Variants in KIF15 observed in about 807,000 individuals in gnomAD.
KIF15 encodes the protein kinesin family member 15.
In KIF15, 140 loss-of-function variants were observed where a neutral mutation model predicts 190.6. The ratio of observed to expected loss-of-function variants is 0.73; its 90% CI spans 0.64 to 0.84. The LOEUF is 0.84. Among genes scored for constraint, KIF15 ranks in the 40% least tolerant of loss-of-function variants. The pLI, the probability that KIF15 is intolerant of heterozygous loss-of-function variation, is 0.00. For missense variants in KIF15, 1,372 were observed against 1,584.4 expected (o/e 0.87, Z 2.28); for synonymous variants, 528 against 551.3 (o/e 0.96, Z 0.59).
rs185346870 is a variant in KIF15 at position 44,843,294 on chromosome 3, A to G, written c.3695+60A>G. 3.1e-3 allele frequency: 3,519 copies of G among 1,142,578 alleles called. 12 individuals carry two copies. Among genetic ancestry groups the G allele is most frequent in the Non-Finnish European group, 3.6e-3 (2,763 of 772,014 alleles). The allele number at this position is 1,142,578 out of a possible 1,614,324, so 70.8% of individuals were successfully genotyped here. ...TCTTGGCCTGCCTGTGTGGAGTTAAATGAGGTTGGAATTGGTTTCACAGGT... is the reference window on the plus strand; with the variant it reads ...TCTTGGCCTGCCTGTGTGGAGTTAAGTGAGGTTGGAATTGGTTTCACAGGT... On this transcript the variant is annotated intron_variant, in intron 30 of 34. Coordinates refer to ENST00000326047, the MANE Select transcript of KIF15 (RefSeq NM_020242.3).
chr3:44,827,342 GAC>G (rs1697721555), intron 22 of KIF15, 115 bp from the exon 23 acceptor site: 1 of 690,932 alleles, frequency 1.4e-6, no homozygotes, highest in South Asian at 2.0e-5. Context: ...GGTAATGCCT[GAC>G]ACCAAGGGTG....
chr3:44,850,146 G>T (rs953040347), intron 32 of KIF15, among the ~76,000 whole-genome samples: 8 of 152,070 alleles, frequency 5.3e-5, no homozygotes, highest in Non-Finnish European at 1.2e-4. Flanking sequence ...AAAATTACAT[G>T]GTGATTTACC....
chr3:44,761,835 A>G lies in KIF15; in HGVS notation c.-31A>G, dbSNP rs993143288. 6 of 1,613,988 alleles carry G rather than the reference A, an allele frequency of 3.7e-6. No homozygotes were observed. Among genetic ancestry groups the G allele is most frequent in the Middle Eastern group, 1.6e-4 (1 of 6,084 alleles). On this transcript the variant is annotated 5_prime_UTR_variant, in exon 1 of 35. Transcript: ENST00000326047. Reference sequence around the variant, plus strand: ...GTCGGGAGGTGGAGGCACCGGCTGCATTGTTTTCGGGATCGAGGGGTGAGG... The same window carrying G: ...GTCGGGAGGTGGAGGCACCGGCTGCGTTGTTTTCGGGATCGAGGGGTGAGG...
intron 6 of KIF15, among the ~76,000 whole-genome samples, chr3:44,866,555 C>T (rs1433299487): frequency 1.3e-5 from 2 of 152,208 alleles, no homozygotes; most frequent in Non-Finnish European, 2.9e-5. Flanking sequence ...CCCAAGTCTT[C>T]TTCATACATT....
chr3:44,806,618 G>C (rs1261785737), intron 16 of KIF15, among the ~76,000 whole-genome samples: 3 of 152,154 alleles, frequency 2.0e-5, no homozygotes, highest in Non-Finnish European at 4.4e-5. Flanking sequence ...ATTTTTTGAA[G>C]GTTAAAAAAT....
At chr3:44,860,536 A>AT (rs558894562) in intron 6 of KIF15, among the ~76,000 whole-genome samples, 162 of 152,038 alleles carry the variant, frequency 1.1e-3, no homozygotes, top group African/African-American at 2.8e-3. Context: ...CACCCAGCTA[A>AT]TTTTTTTTGT....
intron 7 of KIF15, among the ~76,000 whole-genome samples, chr3:44,790,230 T>C (rs2125922056): frequency 6.6e-6 from 1 of 151,548 alleles, no homozygotes; most frequent in South Asian, 2.1e-4. Context: ...AAGGCTAGAG[T>C]GTAGTGGTGC....
Position 44,761,844 on chromosome 3 carries a change from G to A in KIF15, c.-22G>A. 1 of 1,614,172 alleles carries A rather than the reference G, an allele frequency of 6.2e-7. No homozygotes were observed. The highest frequency in any genetic ancestry group is 8.5e-7 in the Non-Finnish European group (1 of 1,180,034). On this transcript the variant is annotated 5_prime_UTR_variant, in exon 1 of 35. Coordinates refer to ENST00000326047, the MANE Select transcript of KIF15 (RefSeq NM_020242.3). ...TGGAGGCACCGGCTGCATTGTTTTC[G>A]GGATCGAGGGGTGAGGGCGCTATGG...
At chr3:44,794,565 AC>A (rs1224083321) in intron 8 of KIF15, 139 bp downstream of exon 8, 1 of 596,762 alleles carries the variant, frequency 1.7e-6, no homozygotes, top group Admixed American at 3.3e-5. Flanking sequence ...TAGCTATACC[AC>A]ATGGCTTAGG....
intron 6 of KIF15, among the ~76,000 whole-genome samples, chr3:44,861,219 G>A (rs1699240010): frequency 6.6e-6 from 1 of 151,506 alleles, no homozygotes; most frequent in South Asian, 2.1e-4. Context: ...TCGAACTCCC[G>A]ACCTCAGGTG....
chr3:44,794,068 G>T, intron 7 of KIF15, 149 bp from the exon 8 acceptor site: 1 of 587,438 alleles, frequency 1.7e-6, no homozygotes, highest in Non-Finnish European at 3.0e-6. Flanking sequence ...TTGTAGAGGT[G>T]AGGTCTCACA....
intron 28 of KIF15, 101 bp from the exon 29 acceptor site, chr3:44,840,973 C>T (rs1426047903): frequency 9.6e-6 from 11 of 1,151,188 alleles, no homozygotes; most frequent in African/African-American, 3.2e-5. Context: ...CATGCCCAGC[C>T]GTAGCTAGAA....
At chr3:44,826,311 T>C in intron 21 of KIF15, 64 bp from the exon 22 acceptor site, 1 of 1,567,894 alleles carries the variant, frequency 6.4e-7, no homozygotes, top group Non-Finnish European at 8.7e-7. Flanking sequence ...TAGAAGGTAC[T>C]TGACATGTTC....
intron 33 of KIF15, 95 bp from the exon 34 acceptor site, chr3:44,852,113 C>G (rs1244118640): frequency 2.0e-6 from 3 of 1,481,338 alleles, no homozygotes; most frequent in Non-Finnish European, 2.7e-6. Flanking sequence ...GACTCTCTGA[C>G]TTCCTGTGCT....
In KIF15 at chr3:44,802,847, A is replaced by G. The variant is rs201200753; in HGVS notation, c.1543A>G (p.Met515Val). 2 of 1,597,724 alleles carry G rather than the reference A, an allele frequency of 1.3e-6. No homozygotes were observed. The highest frequency in any genetic ancestry group is 1.4e-5 in the African/African-American group (1 of 73,898). The change falls in exon 14 of 35, where the codon ATG becomes GTG. Residue 515 changes from methionine (M) to valine (V), a missense_variant. Met to Val is a conservative substitution (Grantham distance 21). Transcript: ENST00000326047. ...EHHPRVAKYAMENHSLREENR... is the reference protein window; with the variant it reads ...EHHPRVAKYAVENHSLREENR... ...CCACCCCAGAGTTGCAAAGTATGCT[A>G]TGGAAAATCATTCCCTCAGGGAGGA...
chr3:44,797,955 A>T lies in KIF15; in HGVS notation c.1097A>T (p.Lys366Met), dbSNP rs766381073. The T allele has an allele frequency of 1.2e-6, 2 of 1,610,716 alleles. No individual in the cohort carries two copies. The highest frequency in any genetic ancestry group is 2.2e-5 in the South Asian group (2 of 90,214). ...FAQRAKLIKN[K>M]AVVNEDTQGN... Reference sequence around the variant, plus strand: ...CAAAGAGCCAAGCTGATTAAAAACAAGGTAAAATACTGGCGTATACTTCAT... The same window carrying T: ...CAAAGAGCCAAGCTGATTAAAAACATGGTAAAATACTGGCGTATACTTCAT... The change falls in exon 10 of 35, where the codon AAG (lysine) becomes ATG (methionine). Residue 366 changes from lysine (K) to methionine (M), a missense_variant and splice_region_variant. By Grantham distance (95) the Lys-to-Met change is moderately conservative. Coordinates refer to ENST00000326047, the MANE Select transcript of KIF15 (RefSeq NM_020242.3).
At chr3:44,761,970 G>A in intron 1 of KIF15, 86 bp downstream of exon 1, 2 of 1,562,362 alleles carry the variant, frequency 1.3e-6, no homozygotes, top group Non-Finnish European at 1.8e-6. Flanking sequence ...CGCCCGCAAG[G>A]TTCTTGCTAG....
chr3:44,779,760 G>T (rs1305831834), intron 4 of KIF15, among the ~76,000 whole-genome samples: 1 of 151,396 alleles, frequency 6.6e-6, no homozygotes, highest in Non-Finnish European at 1.5e-5. Flanking sequence ...TTTGAACCCG[G>T]AGGGTGGAGG....
chr3:44,767,944 G>A (rs980287362), intron 1 of KIF15, among the ~76,000 whole-genome samples: 5 of 147,316 alleles, frequency 3.4e-5, no homozygotes, highest in Admixed American at 1.4e-4. Context: ...CAGCAGTCCA[G>A]GAAGGTTTAA....
Sources: gnomAD v4.1 joint callset for allele counts (sites outside exome capture counted in the v4.1 genomes callset) on GRCh38, gnomAD v4.1.1 for gene constraint, MANE v1.5 for transcripts, NCBI Gene and HGNC (gene_info 2026-07-23, HGNC 2026-07-21) for gene names.